EBF4: variants seen among roughly 807,000 people sequenced by gnomAD.
EBF4 encodes the protein EBF transcription factor 4, also known as transcription factor COE4.
EBF4 carries 34 observed loss-of-function variants against 67.1 expected under a neutral mutation model. The observed-to-expected ratio is 0.51, with a 90% CI of 0.39 to 0.67. The LOEUF (loss-of-function observed/expected upper bound fraction) is 0.67. Among genes scored for constraint, EBF4 ranks in the 30% least tolerant of loss-of-function variants. The pLI is 0.00. For synonymous variants in EBF4, 387 were observed against 377.7 expected, an observed-to-expected ratio of 1.02 and a Z score of -0.29; for missense variants, 837 against 873.3, an observed-to-expected ratio of 0.96 and a Z score of 0.52.
rs530012996 is a variant in EBF4 at position 2,759,105 on chromosome 20, C to T, written c.*5+121C>T. The T allele has an allele frequency of 3.0e-6, 3 of 1,010,270 alleles. No homozygotes were observed. The Admixed American group carries it at 6.6e-5, about 22-fold the overall frequency. The allele number at this position is 1,010,270 out of a possible 1,614,324, so 62.6% of individuals were successfully genotyped here. Reference sequence around the variant, plus strand: ...CTAGCAGCCCCACAGGGATGGGGAGCTGGGGTCCAAGTCTTCCTCCCCGGG... The same window carrying T: ...CTAGCAGCCCCACAGGGATGGGGAGTTGGGGTCCAAGTCTTCCTCCCCGGG... On this transcript the variant is annotated intron_variant, in intron 16 of 16. Transcript: ENST00000609451.
chr20:2,735,177 C>A (rs941543618), intron 6 of EBF4, among the ~76,000 whole-genome samples: 1 of 152,134 alleles, frequency 6.6e-6, no homozygotes, highest in Non-Finnish European at 1.5e-5. Context: ...TGAATCGGGT[C>A]AAATAACAAG....
chr20:2,700,009 G>T (rs555490058), intron 1 of EBF4, among the ~76,000 whole-genome samples: 47 of 152,284 alleles, frequency 3.1e-4, no homozygotes, highest in African/African-American at 1.0e-3. Context: ...GCCAGAGCCT[G>T]CTCTGCTCAG....
upstream of EBF4, chr20:2,692,863 G>T: frequency 6.9e-6 from 1 of 144,726 alleles, no homozygotes; most frequent in South Asian, 1.8e-4. The surrounding 1 kb of genome is among the most constrained non-coding windows in gnomAD (Gnocchi z 6.4). Context: ...AGGCCCCGGG[G>T]AGCGGCGGGC....
chr20:2,752,182 C>T, exon 13 of EBF4: 2 of 1,433,580 alleles, frequency 1.4e-6, no homozygotes, highest in Non-Finnish European at 1.8e-6. Context: ...GAGCCACCCA[C>T]ACCCCGCCGT....
chr20:2,751,338 A>T lies in EBF4; in HGVS notation c.1019-362A>T, dbSNP rs2088142006. On this transcript the variant is annotated intron_variant, in intron 10 of 16. Coordinates refer to ENST00000609451, the Ensembl canonical transcript of EBF4. The surrounding 1 kb of genome is among the most constrained non-coding windows in gnomAD (Gnocchi z 5.2). ...TATAATAAACTCCTGATTTGACCAG[A>T]TGAAAAGAGAAAACTCTCCATCGAG... is the stretch of plus-strand genomic sequence containing the variant. Among the ~76,000 whole-genome samples, 1 of 152,220 alleles carries T rather than the reference A, an allele frequency of 6.6e-6. No homozygotes were observed. The highest frequency in any genetic ancestry group is 6.5e-5 in the Admixed American group (1 of 15,282).
Position 2,756,200 on chromosome 20 carries a change from C to T in EBF4, c.1738+376C>T, listed in dbSNP as rs991076217. Among the ~76,000 whole-genome samples, 1 of 152,246 alleles carries T rather than the reference C, an allele frequency of 6.6e-6. No individual in the cohort carries two copies. The highest frequency in any genetic ancestry group is 1.5e-5 in the Non-Finnish European group (1 of 68,040). On this transcript the variant is annotated intron_variant, in intron 15 of 16. Transcript: ENST00000609451. This position sits in a 1 kb window ranked among gnomAD's most constrained non-coding sequence, Gnocchi z 4.5. ...GCCTGTACCTGTGCCTCCCTGTGTCCACCAGAGGGTAGCACACACCACTGT... is the reference window on the plus strand; with the variant it reads ...GCCTGTACCTGTGCCTCCCTGTGTCTACCAGAGGGTAGCACACACCACTGT...
rs573482027 is a variant in EBF4, at chr20:2,720,546, T to C, written c.557+10904T>C. On this transcript the variant is annotated intron_variant, in intron 6 of 16. Transcript: ENST00000609451. ...TTTCAGTTGTTTATTTAGAACTTAT[T>C]GTATATATCCTAAACTTACTGCAAT... is the stretch of plus-strand genomic sequence containing the variant. Among the ~76,000 whole-genome samples the C allele has an allele frequency of 2.6e-5, 4 of 152,330 alleles. No individual in the cohort carries two copies. The East Asian group carries it at 5.8e-4, about 22-fold the overall frequency.
intron 15 of EBF4, among the ~76,000 whole-genome samples, chr20:2,757,134 CAG>C (rs1320904287): frequency 2.0e-5 from 3 of 152,116 alleles, no homozygotes; most frequent in South Asian, 2.1e-4. Context: ...CAGGCTGAGA[CAG>C]GGGAGGGGGC....
exon 17 of EBF4, chr20:2,759,329 C>T (rs570655715): frequency 2.1e-5 from 7 of 330,710 alleles, no homozygotes; most frequent in Non-Finnish European, 3.4e-5. Context: ...AGCCACACCC[C>T]GGATGGTGGC....
intron 6 of EBF4, among the ~76,000 whole-genome samples, chr20:2,740,291 C>T (rs1229828470): frequency 1.3e-5 from 2 of 151,862 alleles, no homozygotes; most frequent in African/African-American, 2.4e-5. Context: ...CCAGCCTGGG[C>T]AACAGAGCGA....
At chr20:2,697,519 T>C (rs1282785652) in intron 1 of EBF4, among the ~76,000 whole-genome samples, 2 of 149,296 alleles carry the variant, frequency 1.3e-5, no homozygotes, top group Admixed American at 1.3e-4. Flanking sequence ...CACTCCAGCC[T>C]GGGTGACAGA....
intron 5 of EBF4, among the ~76,000 whole-genome samples, chr20:2,709,122 G>A (rs1253007244): frequency 6.6e-6 from 1 of 152,192 alleles, no homozygotes; most frequent in Non-Finnish European, 1.5e-5. Context: ...AGGAGGCAGA[G>A]GTTGCAGTGA....
intron 6 of EBF4, among the ~76,000 whole-genome samples, chr20:2,744,843 C>T (rs747222439): frequency 3.9e-5 from 6 of 152,150 alleles, no homozygotes; most frequent in Non-Finnish European, 8.8e-5. Context: ...GAAACTGATA[C>T]AACTAATTAT....
At chr20:2,744,492 C>CTTTTTTTTTTTTTTTTTTTTTT (rs35298353) in intron 6 of EBF4, among the ~76,000 whole-genome samples, 6 of 115,876 alleles carry the variant, frequency 5.2e-5, no homozygotes, top group Admixed American at 1.1e-4. Flanking sequence ...TTTTTCTTTT[C>CTTTTTTTTTTTTTTTTTTTTTT]TTTTTTTTTT....
rs1346839826 is a variant in EBF4, at chr20:2,739,799, C to T, written c.558-8750C>T. ...CGGAGATCCCTGTCCCCTTATTTCC[C>T]CATCTCAGGCTGCAGTGCCAGCTTT... On this transcript the variant is annotated intron_variant, in intron 6 of 16. Coordinates refer to ENST00000609451, the Ensembl canonical transcript of EBF4. This position sits in a 1 kb window ranked among gnomAD's most constrained non-coding sequence, Gnocchi z 4.5. 6.6e-6 allele frequency among the ~76,000 whole-genome samples: 1 copy of T among 152,194 alleles called. No homozygotes were observed. Among genetic ancestry groups the T allele is most frequent in the Non-Finnish European group, 1.5e-5 (1 of 68,028 alleles).
rs755230290 is a variant in EBF4, at chr20:2,707,484, C to T, written c.415-463C>T. 1.3e-5 allele frequency among the ~76,000 whole-genome samples: 2 copies of T among 151,890 alleles called. No homozygotes were observed. The highest frequency in any genetic ancestry group is 4.8e-5 in the African/African-American group (2 of 41,300). On this transcript the variant is annotated intron_variant, in intron 4 of 16. Transcript: ENST00000609451. This position sits in a 1 kb window ranked among gnomAD's most constrained non-coding sequence, Gnocchi z 4.6. ...GGGGAAGAGGCAGCTGTGCAGCCCTCGGAGCTGACTGGGCTGGCAGGGATA... is the reference window on the plus strand; with the variant it reads ...GGGGAAGAGGCAGCTGTGCAGCCCTTGGAGCTGACTGGGCTGGCAGGGATA...
At chr20:2,715,118 T>C (rs919859316) in intron 6 of EBF4, among the ~76,000 whole-genome samples, 1 of 152,118 alleles carries the variant, frequency 6.6e-6, no homozygotes, top group Non-Finnish European at 1.5e-5. Context: ...CCAGTCCCCA[T>C]ACCACTGCCT....
At chr20:2,758,610 G>C (rs972476633) in intron 15 of EBF4, among the ~76,000 whole-genome samples, 1 of 152,186 alleles carries the variant, frequency 6.6e-6, no homozygotes, top group African/African-American at 2.4e-5. Flanking sequence ...CTGGTACATG[G>C]CCATGCGCTT....
At chr20:2,709,369 A>G (rs897816645) in intron 5 of EBF4, among the ~76,000 whole-genome samples, 2 of 151,962 alleles carry the variant, frequency 1.3e-5, no homozygotes, top group Admixed American at 6.6e-5. Context: ...CCTCATCCCC[A>G]GGCTAGGCTC....
Sources: gnomAD v4.1 joint callset for allele counts (sites outside exome capture counted in the v4.1 genomes callset) on GRCh38, gnomAD v4.1.1 for gene constraint, Gnocchi (gnomAD v3.1) non-coding constraint, MANE v1.5 for transcripts, NCBI Gene and HGNC (gene_info 2026-07-23, HGNC 2026-07-21) for gene names.